BEND7: variants seen among roughly 807,000 people sequenced by gnomAD.
BEND7 encodes the protein BEN domain containing 7, also known as BEN domain-containing protein 7.
A neutral mutation model predicts 50.9 loss-of-function variants in BEND7; 28 were observed. The ratio of observed to expected loss-of-function variants is 0.55; its 90% confidence interval spans 0.41 to 0.75. The LOEUF is 0.75. Among genes scored for constraint, BEND7 ranks in the 30% least tolerant of loss-of-function variants. BEND7 has a pLI of 0.00. For synonymous variants in BEND7, 170 were observed against 183.9 expected, an observed-to-expected ratio of 0.92 and a Z score of 0.61; for missense variants, 477 against 491.3, an observed-to-expected ratio of 0.97 and a Z score of 0.28.
chr10:13,502,638 C>T, intron 2 of BEND7, among the ~76,000 whole-genome samples: 1 of 152,286 alleles, frequency 6.6e-6, no homozygotes, highest in South Asian at 2.1e-4. Context: ...TTTCAGCAAC[C>T]AGACACATAC....
At chr10:13,454,910 G>A (rs530602594) in intron 6 of BEND7, among the ~76,000 whole-genome samples, 36 of 152,266 alleles carry the variant, frequency 2.4e-4, no homozygotes, top group African/African-American at 8.7e-4. Context: ...GGTGGCTCAC[G>A]CCTGTAATCC....
chr10:13,489,624 C>T (rs535403164), intron 5 of BEND7, among the ~76,000 whole-genome samples: 15 of 152,222 alleles, frequency 9.9e-5, no homozygotes, highest in African/African-American at 2.6e-4. Flanking sequence ...GATGCATTAA[C>T]GTGTATCCTG....
rs148207007 is a variant in BEND7 at position 13,481,075 on chromosome 10, T to C, written c.887A>G (p.Gln296Arg). 6.2e-7 allele frequency: 1 copy of C among 1,614,126 alleles called. No individual in the cohort carries two copies. The highest frequency in any genetic ancestry group is 8.5e-7 in the Non-Finnish European group (1 of 1,180,000). ...EGFDVFMPKS[Q>R]LDSILSNYTR... ...GTAGTTTGACAATATAGAGTCCAGCTGAGATTTAGGCATAAACACGTCAAA... is the reference window on the plus strand; with the variant it reads ...GTAGTTTGACAATATAGAGTCCAGCCGAGATTTAGGCATAAACACGTCAAA... The change falls in exon 6 of 9, where the codon CAG (glutamine) becomes CGG (arginine). Residue 296 changes from glutamine to arginine, a missense_variant. This residue lies in a region of BEND7 where 396 missense variants were observed against 384.2 expected (regional missense o/e 1.03). Transcript: ENST00000466271.
At chr10:13,454,384 G>A (rs545406855) in intron 6 of BEND7, among the ~76,000 whole-genome samples, 6 of 152,144 alleles carry the variant, frequency 3.9e-5, no homozygotes, top group Non-Finnish European at 5.9e-5. Context: ...GGTGGGGGGC[G>A]TTGCTTGAGA....
chr10:13,465,432 C>CAT (rs2074135908), intron 6 of BEND7, among the ~76,000 whole-genome samples: 1 of 151,848 alleles, frequency 6.6e-6, no homozygotes, highest in Non-Finnish European at 1.5e-5. Context: ...GTCAGTCGTA[C>CAT]AAGACACAAA....
At chr10:13,500,501 T>C (rs138081330) in intron 2 of BEND7, 585 of 994,244 alleles carry the variant, frequency 5.9e-4, no homozygotes, top group Non-Finnish European at 6.6e-4. Context: ...ACTAAAGCGC[T>C]CTGCTCACTG....
chr10:13,510,183 T>C (rs2078179880), intron 2 of BEND7, among the ~76,000 whole-genome samples: 1 of 152,194 alleles, frequency 6.6e-6, no homozygotes, highest in South Asian at 2.1e-4. Context: ...GACATGAACA[T>C]GTAATTCACA....
chr10:13,514,592 G>T (rs2078523890), intron 2 of BEND7, among the ~76,000 whole-genome samples: 1 of 152,170 alleles, frequency 6.6e-6, no homozygotes, highest in African/African-American at 2.4e-5. Context: ...AGGGAAGTTG[G>T]GTCGGACGTG....
At chr10:13,447,918 G>A (rs1836776240) in intron 7 of BEND7, among the ~76,000 whole-genome samples, 1 of 152,138 alleles carries the variant, frequency 6.6e-6, no homozygotes, top group Non-Finnish European at 1.5e-5. Flanking sequence ...TCATCGCGGG[G>A]ATGTGTCAAT....
rs1835305421 is a variant in BEND7, at chr10:13,441,426, G to A, written c.*317C>T. 2 of 1,174,408 alleles carry A rather than the reference G, an allele frequency of 1.7e-6. No homozygotes were observed. The highest frequency in any genetic ancestry group is 3.9e-5 in the East Asian group (1 of 25,478). The allele number at this position is 1,174,408 out of a possible 1,614,324, so 72.7% of individuals were successfully genotyped here. A position where few individuals can be genotyped will look rare whatever the true frequency, so the allele number is the denominator to read the frequency against. The stretch of plus-strand genomic sequence containing the variant: ...GTTGCAGTTTTGATACGTATTTCCA[G>A]TGTGTAGATCCGTTCATCGCACACA... On this transcript the variant is annotated 3_prime_UTR_variant, in exon 9 of 9. Coordinates refer to ENST00000466271, the MANE Select transcript of BEND7 (RefSeq NM_001369863.1).
intron 2 of BEND7, among the ~76,000 whole-genome samples, chr10:13,508,736 C>A (rs909313585): frequency 1.3e-5 from 2 of 152,132 alleles, no homozygotes; most frequent in Non-Finnish European, 2.9e-5. Flanking sequence ...TACTGTACTA[C>A]TACTAAATTA....
chr10:13,455,774 C>T (rs1240043587), intron 6 of BEND7, among the ~76,000 whole-genome samples: 1 of 152,128 alleles, frequency 6.6e-6, no homozygotes, highest in Non-Finnish European at 1.5e-5. Flanking sequence ...TGGTTCTAGG[C>T]TGGAGCAAAC....
chr10:13,481,898 C>T (rs553200483), intron 5 of BEND7, among the ~76,000 whole-genome samples: 9 of 152,344 alleles, frequency 5.9e-5, no homozygotes, highest in South Asian at 4.1e-4. Context: ...TGGACGCTAT[C>T]GCACACGCTC....
intron 2 of BEND7, among the ~76,000 whole-genome samples, chr10:13,514,038 C>T (rs974714946): frequency 6.6e-6 from 1 of 152,112 alleles, no homozygotes; most frequent in Non-Finnish European, 1.5e-5. Flanking sequence ...CCCCACATGC[C>T]ACCCCTTCTG....
At chr10:13,478,201 G>A (rs1414681685) in intron 6 of BEND7, among the ~76,000 whole-genome samples, 1 of 152,176 alleles carries the variant, frequency 6.6e-6, no homozygotes, top group Non-Finnish European at 1.5e-5. Context: ...CACCTCCAGT[G>A]TCCTCTCCTG....
chr10:13,524,815 G>A (rs867339350), intron 2 of BEND7, among the ~76,000 whole-genome samples: 3 of 152,244 alleles, frequency 2.0e-5, no homozygotes, highest in Middle Eastern at 3.4e-3. Flanking sequence ...GCTGGCCCCA[G>A]TGATATTCTT....
At chr10:13,522,899 T>C (rs79394948) in intron 2 of BEND7, among the ~76,000 whole-genome samples, 68 of 152,326 alleles carry the variant, frequency 4.5e-4, no homozygotes, top group African/African-American at 1.6e-3. Flanking sequence ...CGGTAACTCA[T>C]ACAGACATGC....
chr10:13,442,326 T>C (rs1223838652), intron 8 of BEND7: 2 of 152,330 alleles, frequency 1.3e-5, no homozygotes, highest in South Asian at 2.1e-4. Context: ...GTAGTCCAAA[T>C]TGTTCTCATG....
In BEND7 at chr10:13,481,069, T is replaced by A; in HGVS notation, c.893A>T (p.Asp298Val). Residue 298 changes from aspartate to valine, a missense_variant, in exon 6 of 9, where the codon GAC becomes GTC. By Grantham distance (152) the Asp-to-Val change is radical. Coordinates refer to ENST00000466271, the MANE Select transcript of BEND7 (RefSeq NM_001369863.1). ...FDVFMPKSQLDSILSNYTRSG... is the reference protein window; with the variant it reads ...FDVFMPKSQLVSILSNYTRSG... ...GCGAGTGTAGTTTGACAATATAGAG[T>A]CCAGCTGAGATTTAGGCATAAACAC... is the stretch of plus-strand genomic sequence containing the variant. 1 of 1,613,978 alleles carries A rather than the reference T, an allele frequency of 6.2e-7. No individual in the cohort carries two copies. The highest frequency in any genetic ancestry group is 8.5e-7 in the Non-Finnish European group (1 of 1,180,004).
Sources: allele counts gnomAD v4.1 joint callset (sites outside exome capture counted in the v4.1 genomes callset), GRCh38; gene constraint gnomAD v4.1.1; regional missense constraint gnomAD v4.1.1; transcripts MANE v1.5; gene names NCBI Gene and HGNC (gene_info 2026-07-23, HGNC 2026-07-21).